The following EYS variants were observed in gnomAD, a reference collection of about 807,000 sequenced individuals.
EYS encodes the protein EGF-like photoreceptor maintenance factor.
In EYS, 250 loss-of-function variants were observed where a neutral mutation model predicts 282.1. The observed-to-expected ratio is 0.89, with a 90% CI of 0.80 to 0.98. The LOEUF (loss-of-function observed/expected upper bound fraction) is 0.98, where lower values mean the gene tolerates loss of function less well. Ranked by LOEUF, EYS falls within the 50% of genes least tolerant of loss-of-function variation. The probability of loss-of-function intolerance (pLI) is 0.00; values close to 1 mark genes in which losing one functional copy is unlikely to be tolerated. For synonymous variants in EYS, 1,355 were observed against 1,282.9 expected (o/e 1.06, Z -1.20); for missense variants, 4,016 against 3,709.0 (o/e 1.08, Z -2.15).
rs559904669 is a variant in EYS at position 64,627,296 on chromosome 6, A to G, written c.3444-1051T>C. Reference sequence around the variant, plus strand: ...CTATAATCAGCATATAGATAAATGTATTTTTATCATGGCAGAGTATACGCA... The same window carrying G: ...CTATAATCAGCATATAGATAAATGTGTTTTTATCATGGCAGAGTATACGCA... On this transcript the variant is annotated intron_variant, in intron 22 of 42. Transcript: ENST00000503581. Among the ~76,000 whole-genome samples, 4 of 152,320 alleles carry G rather than the reference A, an allele frequency of 2.6e-5. No homozygotes were observed. In the East Asian group the frequency reaches 7.7e-4, roughly 29 times the overall value.
chr6:64,308,159 G>A (rs1486289645), intron 29 of EYS, among the ~76,000 whole-genome samples: 1 of 151,824 alleles, frequency 6.6e-6, no homozygotes, highest in Non-Finnish European at 1.5e-5. Flanking sequence ...GCTCTTCTAG[G>A]GACCAAAGCT....
intron 10 of EYS, among the ~76,000 whole-genome samples, chr6:65,338,924 A>T (rs1327343885): frequency 6.6e-6 from 1 of 151,220 alleles, no homozygotes; most frequent in Non-Finnish European, 1.5e-5. Flanking sequence ...AAACAACTCT[A>T]GTTAAATAAT....
In EYS at chr6:63,758,687, A is replaced by G. The variant is rs570554802; in HGVS notation, c.8071+3774T>C. On this transcript the variant is annotated intron_variant, in intron 41 of 42. Transcript: ENST00000503581. ...GAAGGCTCGCTTTTCTATTTTTCTT[A>G]ATGTATACTTTAAAGATTTTATCAA... 5.9e-5 allele frequency among the ~76,000 whole-genome samples: 9 copies of G among 152,168 alleles called. No individual in the cohort carries two copies. The South Asian group carries it at 1.9e-3, about 32-fold the overall frequency.
intron 36 of EYS, chr6:63,821,261 A>G (rs1346262271): frequency 6.6e-6 from 1 of 152,022 alleles, no homozygotes; most frequent in Non-Finnish European, 1.5e-5. Context: ...AAGTGTAACA[A>G]GAGGTTAAAA....
intron 12 of EYS, among the ~76,000 whole-genome samples, chr6:65,115,273 C>G (rs942640581): frequency 6.6e-6 from 1 of 151,836 alleles, no homozygotes; most frequent in Non-Finnish European, 1.5e-5. Flanking sequence ...TCATAATATA[C>G]CTTTCCTATG....
chr6:65,401,648 T>A, intron 7 of EYS, among the ~76,000 whole-genome samples: 1 of 151,850 alleles, frequency 6.6e-6, no homozygotes, highest in Middle Eastern at 3.4e-3. Context: ...AAGGTTAATT[T>A]AAAAAAAATC....
chr6:64,549,576 C>A (rs1336705189), intron 26 of EYS, among the ~76,000 whole-genome samples: 1 of 152,020 alleles, frequency 6.6e-6, no homozygotes, highest in African/African-American at 2.4e-5. Flanking sequence ...TTCTCCTGCC[C>A]ACTCATAAAT....
intron 30 of EYS, among the ~76,000 whole-genome samples, chr6:64,300,398 T>A (rs903779939): frequency 1.3e-5 from 2 of 152,152 alleles, no homozygotes. Flanking sequence ...ACAAGCGACA[T>A]CCCAGAGTAT....
At chr6:65,610,554 C>T (rs538315223) in intron 2 of EYS, among the ~76,000 whole-genome samples, 1 of 152,162 alleles carries the variant, frequency 6.6e-6, no homozygotes, top group South Asian at 2.1e-4. Context: ...AACCTATGTG[C>T]CATAACTACA....
chr6:63,787,633 T>C (rs1299293449), intron 39 of EYS, among the ~76,000 whole-genome samples: 2 of 152,190 alleles, frequency 1.3e-5, no homozygotes, highest in African/African-American at 4.8e-5. Flanking sequence ...AAACATCTAG[T>C]ACATATGTAG....
chr6:64,233,714 A>G (rs1225308101), intron 30 of EYS, among the ~76,000 whole-genome samples: 1 of 152,184 alleles, frequency 6.6e-6, no homozygotes, highest in Non-Finnish European at 1.5e-5. Context: ...TTAGTCTTCA[A>G]TAACTTTTTC....
chr6:65,035,936 T>TA (rs1393627728), intron 13 of EYS, among the ~76,000 whole-genome samples: 1 of 147,368 alleles, frequency 6.8e-6, no homozygotes, highest in Non-Finnish European at 1.5e-5. Flanking sequence ...ATATATTACA[T>TA]AGTAATATAT....
chr6:64,543,671 A>G (rs1417941883), intron 26 of EYS, among the ~76,000 whole-genome samples: 1 of 152,132 alleles, frequency 6.6e-6, no homozygotes, highest in Non-Finnish European at 1.5e-5. Context: ...GCAAATAAAC[A>G]TTTGTAATCA....
intron 30 of EYS, among the ~76,000 whole-genome samples, chr6:64,291,182 G>A (rs1768695325): frequency 6.6e-6 from 1 of 151,746 alleles, no homozygotes; most frequent in Non-Finnish European, 1.5e-5. Flanking sequence ...TGCCTGAGGG[G>A]ACTAGAGGAT....
rs115175563 is a variant in EYS, at chr6:63,971,981, A to G, written c.7055+12402T>C. Among the ~76,000 whole-genome samples, 214 of 152,308 alleles carry G rather than the reference A, an allele frequency of 1.4e-3. 1 individual carries two copies. The highest frequency in any genetic ancestry group is 4.9e-3 in the African/African-American group (203 of 41,574). ...AATTGTTGCTGTACAGTCTTCCACT[A>G]TAGAAGTCTTCTAAAAGTAGAAACA... On this transcript the variant is annotated intron_variant, in intron 35 of 42. Coordinates refer to ENST00000503581, the MANE Select transcript of EYS (RefSeq NM_001142800.2).
At chr6:65,095,003 A>T (rs188493785) in intron 12 of EYS, among the ~76,000 whole-genome samples, 35 of 151,456 alleles carry the variant, frequency 2.3e-4, no homozygotes, top group African/African-American at 8.4e-4. Context: ...AAAATAGGAG[A>T]TATTACAACT....
chr6:64,626,118 T>C lies in EYS; in HGVS notation c.3568+3A>G, dbSNP rs1767600912. 7.9e-6 allele frequency: 12 copies of C among 1,517,306 alleles called. No individual in the cohort carries two copies. The highest frequency in any genetic ancestry group is 1.2e-5 in the South Asian group (1 of 80,650). 94.0% of individuals were successfully genotyped at this position (1,517,306 alleles called of 1,614,324 possible). A position where few individuals can be genotyped will look rare whatever the true frequency, so the allele number is the denominator to read the frequency against. On this transcript the variant is annotated splice_donor_region_variant and intron_variant, in intron 23 of 42. Transcript: ENST00000503581. ...GTATGCTTATTATTTTTAAAATAAT[T>C]ACCTGGTTGGCATTTGCAAACATAT...
chr6:65,259,682 C>G (rs936845824), intron 12 of EYS, among the ~76,000 whole-genome samples: 2 of 152,046 alleles, frequency 1.3e-5, no homozygotes, highest in African/African-American at 4.8e-5. Flanking sequence ...CTCCATAGGA[C>G]TGATCAGTAA....
chr6:64,728,798 G>A (rs1354219892), intron 22 of EYS: 1 of 152,270 alleles, frequency 6.6e-6, no homozygotes, highest in East Asian at 1.9e-4. Context: ...CTGAGCTCTT[G>A]TTCAGTGTCC....
Sources: allele counts gnomAD v4.1 joint callset (sites outside exome capture counted in the v4.1 genomes callset), GRCh38; gene constraint gnomAD v4.1.1; transcripts MANE v1.5; gene names NCBI Gene and HGNC (gene_info 2026-07-23, HGNC 2026-07-21).